PTPN2: variants seen among roughly 807,000 people sequenced by gnomAD.
The protein encoded by PTPN2 is tyrosine-protein phosphatase non-receptor type 2.
In PTPN2, 19 loss-of-function variants were observed where a neutral mutation model predicts 57.3. The observed-to-expected ratio is 0.33, with a 90% CI of 0.23 to 0.49. The LOEUF (loss-of-function observed/expected upper bound fraction) is 0.49. Among genes scored for constraint, PTPN2 ranks in the 20% least tolerant of loss-of-function variants. PTPN2 has a pLI of 0.99. For synonymous variants in PTPN2, 153 were observed against 164.9 expected (o/e 0.93, Z 0.55); for missense variants, 358 against 501.1 (o/e 0.71, Z 2.73).
At chr18:12,870,291 AT>A (rs2044153794) in intron 1 of PTPN2, among the ~76,000 whole-genome samples, 1 of 57,660 alleles carries the variant, frequency 1.7e-5, no homozygotes, top group Non-Finnish European at 3.1e-5. Context: ...ATACATATAC[AT>A]ATATATGTGT....
At chr18:12,785,813 G>A in exon 10 of PTPN2, 1 of 1,609,916 alleles carries the variant, frequency 6.2e-7, no homozygotes, top group Non-Finnish European at 8.5e-7. Flanking sequence ...ATATTCTCAA[G>A]TCATGAATAT....
intron 7 of PTPN2, among the ~76,000 whole-genome samples, chr18:12,807,774 C>T (rs979667689): frequency 6.6e-6 from 1 of 151,488 alleles, no homozygotes; most frequent in East Asian, 1.9e-4. Flanking sequence ...TAGAATAGTA[C>T]CTACTGGAGG....
Position 12,802,145 on chromosome 18 carries a change from A to G in PTPN2, c.865T>C (p.Trp289Arg), listed in dbSNP as rs1568085594. The G allele has an allele frequency of 1.2e-6, 2 of 1,602,966 alleles. No individual in the cohort carries two copies. Residue 289 changes from tryptophan (W) to arginine (R), a missense_variant, in exon 8 of 9, where the codon TGG (tryptophan) becomes CGG (arginine). By Grantham distance (101) the Trp-to-Arg change is moderately radical. Around this residue, in one of 4 missense-constraint regions of PTPN2, gnomAD observed 193 missense variants for 315.4 expected, o/e 0.61. Coordinates refer to ENST00000309660, the MANE Select transcript of PTPN2 (RefSeq NM_002828.4). Reference protein sequence around the residue: ...IKGDSSIQKRWKELSKEDLSP... With the variant: ...IKGDSSIQKRRKELSKEDLSP... ...AAGTCTTCCTTAGAAAGTTCTTTCC[A>G]TCGTTTCTAGGTAGGGAAGAGAAAT...
intron 1 of PTPN2, among the ~76,000 whole-genome samples, chr18:12,881,577 C>A (rs1385527792): frequency 1.3e-5 from 2 of 152,220 alleles, no homozygotes; most frequent in East Asian, 1.9e-4. Flanking sequence ...AGTCTCCAGG[C>A]TAAACTGTGG....
chr18:12,806,703 C>G (rs796459296), intron 7 of PTPN2, among the ~76,000 whole-genome samples: 47 of 152,182 alleles, frequency 3.1e-4, no homozygotes, highest in African/African-American at 1.1e-3. Flanking sequence ...GAAGGACAGT[C>G]TCTTTGATAA....
At chr18:12,786,255 CAA>C (rs1269116911) in intron 9 of PTPN2, 1 of 175,192 alleles carries the variant, frequency 5.7e-6, no homozygotes, top group African/African-American at 2.4e-5. Flanking sequence ...GAATTCAATG[CAA>C]AAGTCTAATC....
chr18:12,791,394 T>A (rs2040980442), downstream of PTPN2, among the ~76,000 whole-genome samples: 1 of 152,232 alleles, frequency 6.6e-6, no homozygotes, highest in Admixed American at 6.5e-5. Context: ...TAAAATCTGT[T>A]AAAATTAGAA....
At chr18:12,819,385 A>T (rs536072408) in intron 5 of PTPN2, 1 of 567,454 alleles carries the variant, frequency 1.8e-6, no homozygotes, top group Middle Eastern at 4.0e-4. Context: ...GAACAAAGCC[A>T]GACTAAAGGC....
At chr18:12,874,407 T>TG (rs1349218648) in intron 1 of PTPN2, among the ~76,000 whole-genome samples, 11 of 121,762 alleles carry the variant, frequency 9.0e-5, no homozygotes, top group African/African-American at 3.5e-4. Flanking sequence ...GGGAGGGAGG[T>TG]GGGGGGATCA....
At chr18:12,883,355 C>T (rs1024055784) in intron 1 of PTPN2, among the ~76,000 whole-genome samples, 3 of 152,246 alleles carry the variant, frequency 2.0e-5, no homozygotes, top group African/African-American at 7.2e-5. Context: ...GCCGAACCCA[C>T]GCTGGGCGCT....
intron 2 of PTPN2, among the ~76,000 whole-genome samples, chr18:12,848,507 C>G (rs966119349): frequency 6.6e-6 from 1 of 152,220 alleles, no homozygotes; most frequent in Non-Finnish European, 1.5e-5. Flanking sequence ...TCACAAAAGG[C>G]AATGAAGCTT....
rs1418983534 is a variant in PTPN2 at position 12,878,531 on chromosome 18, G to A, written c.69+5542C>T. On this transcript the variant is annotated intron_variant, in intron 1 of 8. Coordinates refer to ENST00000309660, the MANE Select transcript of PTPN2 (RefSeq NM_002828.4). Reference sequence around the variant, plus strand: ...CTAAAAATACAAAAATTAGCTGGGCGTGCTGGTGGGCACCTGTAATCCCAG... The same window carrying A: ...CTAAAAATACAAAAATTAGCTGGGCATGCTGGTGGGCACCTGTAATCCCAG... 4.0e-5 allele frequency among the ~76,000 whole-genome samples: 6 copies of A among 151,886 alleles called. No individual in the cohort carries two copies. In the South Asian group the frequency reaches 6.2e-4, roughly 16 times the overall value.
At chr18:12,810,634 T>C (rs2041860422) in intron 7 of PTPN2, among the ~76,000 whole-genome samples, 1 of 152,162 alleles carries the variant, frequency 6.6e-6, no homozygotes, top group Non-Finnish European at 1.5e-5. Context: ...ATAGTTGATT[T>C]ACAGAAGATT....
At chr18:12,863,397 T>C (rs1322273299) in intron 1 of PTPN2, 2 of 151,984 alleles carry the variant, frequency 1.3e-5, no homozygotes, top group African/African-American at 4.8e-5. Flanking sequence ...AGTTCAAGAC[T>C]GCAGTGAGCT....
At chr18:12,808,499 CG>C (rs1484739697) in intron 7 of PTPN2, among the ~76,000 whole-genome samples, 1 of 152,072 alleles carries the variant, frequency 6.6e-6, no homozygotes, top group African/African-American at 2.4e-5. Flanking sequence ...AAACAAAGGC[CG>C]GGGCATGCGG....
chr18:12,822,656 C>G (rs537460767), intron 5 of PTPN2, among the ~76,000 whole-genome samples: 1 of 152,168 alleles, frequency 6.6e-6, no homozygotes, highest in Non-Finnish European at 1.5e-5. Context: ...TAGATGCAAA[C>G]TGGATCTCTG....
At chr18:12,791,893 A>T (rs773613903), downstream of PTPN2, among the ~76,000 whole-genome samples, 5 of 152,224 alleles carry the variant, frequency 3.3e-5, 1 homozygote, top group Non-Finnish European at 7.3e-5. Flanking sequence ...GTGTACCGAA[A>T]GCAAGCCTAG....
chr18:12,884,223 C>G lies in PTPN2; in HGVS notation c.-82G>C, dbSNP rs1038826714. ...CCGCACGATCCGGGGAGAGCGCTGG[C>G]GCTGCGGCGCATGCGCGCTGCGCGC... On this transcript the variant is annotated 5_prime_UTR_variant, in exon 1 of 9. Transcript: ENST00000309660. 9.0e-7 allele frequency: 1 copy of G among 1,117,316 alleles called. No individual in the cohort carries two copies. The highest frequency in any genetic ancestry group is 1.2e-6 in the Non-Finnish European group (1 of 835,710). The allele number at this position is 1,117,316 out of a possible 1,614,324, so 69.2% of individuals were successfully genotyped here.
intron 2 of PTPN2, among the ~76,000 whole-genome samples, chr18:12,852,664 A>G (rs1403416580): frequency 6.6e-6 from 1 of 152,156 alleles, no homozygotes; most frequent in Non-Finnish European, 1.5e-5. Context: ...TACAATCATG[A>G]GCTGCTGCAC....
Sources: allele counts gnomAD v4.1 joint callset (sites outside exome capture counted in the v4.1 genomes callset), GRCh38; gene constraint gnomAD v4.1.1; regional missense constraint gnomAD v4.1.1; transcripts MANE v1.5; gene names NCBI Gene and HGNC (gene_info 2026-07-23, HGNC 2026-07-21).